KCNAB2: variants seen among roughly 807,000 people sequenced by gnomAD.
The protein encoded by KCNAB2 is potassium voltage-gated channel subfamily A regulatory beta subunit 2.
In KCNAB2, 29 loss-of-function variants were observed where a neutral mutation model predicts 63.6. The observed-to-expected ratio is 0.46, with a 90% CI of 0.34 to 0.62. The LOEUF is 0.62. Ranked by LOEUF, KCNAB2 falls within the 20% of genes least tolerant of loss-of-function variation. KCNAB2 has a pLI of 0.01. For missense variants in KCNAB2, 359 were observed against 563.9 expected (o/e 0.64, Z 3.68); for synonymous variants, 222 against 224.2 (o/e 0.99, Z 0.09).
intron 1 of KCNAB2, among the ~76,000 whole-genome samples, chr1:6,021,336 A>C (rs1658805597): frequency 6.6e-6 from 1 of 152,214 alleles, no homozygotes; most frequent in African/African-American, 2.4e-5. Context: ...TATTTGGCTT[A>C]AACACATACA....
chr1:6,085,004 G>C (rs1379907949), intron 5 of KCNAB2, among the ~76,000 whole-genome samples, 200 bp from the exon 6 acceptor site: 2 of 152,184 alleles, frequency 1.3e-5, no homozygotes, highest in Admixed American at 1.3e-4. Flanking sequence ...CTAGTGGGGG[G>C]CAATAACACA....
intron 1 of KCNAB2, among the ~76,000 whole-genome samples, chr1:6,023,130 C>G (rs201155578): frequency 1.3e-5 from 2 of 152,104 alleles, no homozygotes; most frequent in Non-Finnish European, 2.9e-5. Context: ...GATCTGCCTG[C>G]CTTGGCCTCC....
chr1:6,016,517 G>A (rs1025592044), intron 1 of KCNAB2, among the ~76,000 whole-genome samples: 13 of 152,240 alleles, frequency 8.5e-5, no homozygotes, highest in African/African-American at 2.9e-4. Flanking sequence ...AATTTGATGA[G>A]GCGTTTTCAC....
intron 1 of KCNAB2, among the ~76,000 whole-genome samples, chr1:6,002,196 CAG>C (rs1171627440): frequency 6.6e-6 from 1 of 152,242 alleles, no homozygotes; most frequent in African/African-American, 2.4e-5. Context: ...CCGTGGCAGG[CAG>C]AGAGAAGCCT....
intron 8 of KCNAB2, among the ~76,000 whole-genome samples, chr1:6,089,259 C>T (rs1292820954): frequency 6.6e-6 from 1 of 152,244 alleles, no homozygotes; most frequent in Non-Finnish European, 1.5e-5. Flanking sequence ...GGTGGCTGAG[C>T]ACAGACCACA....
chr1:6,045,752 C>A (rs1485405191), upstream of KCNAB2, among the ~76,000 whole-genome samples: 1 of 152,176 alleles, frequency 6.6e-6, no homozygotes, highest in African/African-American at 2.4e-5. The surrounding 1 kb of genome is among the most constrained non-coding windows in gnomAD (Gnocchi z 4.8). Flanking sequence ...AAGAGCAAGG[C>A]CTGCCCCTTT....
chr1:6,045,096 A>G (rs1570942861), upstream of KCNAB2, among the ~76,000 whole-genome samples: 1 of 151,978 alleles, frequency 6.6e-6, no homozygotes, highest in Non-Finnish European at 1.5e-5. This position sits in a 1 kb window ranked among gnomAD's most constrained non-coding sequence, Gnocchi z 4.8. Context: ...GCAGCCAGGC[A>G]CCTCCAGACT....
At chr1:5,999,494 C>T (rs1011833447) in intron 1 of KCNAB2, among the ~76,000 whole-genome samples, 4 of 152,170 alleles carry the variant, frequency 2.6e-5, no homozygotes, top group Non-Finnish European at 4.4e-5. Flanking sequence ...AAAGCTCCGG[C>T]GAGAAGGGCT....
chr1:6,085,484 G>A (rs574931437), intron 6 of KCNAB2, among the ~76,000 whole-genome samples: 46 of 152,240 alleles, frequency 3.0e-4, no homozygotes, highest in African/African-American at 8.9e-4. Context: ...TGCCCACTCC[G>A]CCTCTGTCCC....
rs530712846 is a variant in KCNAB2, at chr1:6,017,796, A to G, written c.-52-22721A>G. ...TCAGAGCAAGACTGTCTCAAAAAAA[A>G]AAAAAAACTTGGCCTCCCAAAGTGC... On this transcript the variant is annotated intron_variant, in intron 1 of 16. Transcript: ENST00000341524. Among the ~76,000 whole-genome samples the G allele has an allele frequency of 1.2e-4, 18 of 152,144 alleles. No individual in the cohort carries two copies. In the South Asian group the frequency reaches 2.9e-3, roughly 25 times the overall value.
rs1282868716 is a variant in KCNAB2, at chr1:6,098,798, G to A, written c.*224G>A. 3.7e-6 allele frequency: 2 copies of A among 538,884 alleles called. No homozygotes were observed. The highest frequency in any genetic ancestry group is 3.9e-5 in the African/African-American group (2 of 51,814). The allele number at this position is 538,884 out of a possible 1,614,324, so 33.4% of individuals were successfully genotyped here. A position where few individuals can be genotyped will look rare whatever the true frequency, so the allele number is the denominator to read the frequency against. The stretch of plus-strand genomic sequence containing the variant: ...CTGTGCCGGGGAAGGCACTGGTTAG[G>A]AAGGATGTTCAAACGGTCCCACCCA... On this transcript the variant is annotated 3_prime_UTR_variant, in exon 16 of 16. Coordinates refer to ENST00000378083, the MANE Select transcript of KCNAB2 (RefSeq NM_001199862.2).
At chr1:6,097,716 GGA>G (rs1665768012) in intron 15 of KCNAB2, 2 of 486,316 alleles carry the variant, frequency 4.1e-6, no homozygotes, top group Non-Finnish European at 7.3e-6. Flanking sequence ...TGAGAGATGC[GGA>G]GTAAGTCACG....
intron 1 of KCNAB2, among the ~76,000 whole-genome samples, chr1:6,050,024 T>C (rs1167565812): frequency 1.3e-5 from 2 of 152,228 alleles, no homozygotes; most frequent in African/African-American, 4.8e-5. Flanking sequence ...TGTGGGTCTT[T>C]CCTTTGGCCC....
intron 1 of KCNAB2, among the ~76,000 whole-genome samples, chr1:6,023,411 C>A (rs2100341458): frequency 6.7e-6 from 1 of 149,312 alleles, no homozygotes; most frequent in African/African-American, 2.4e-5. Flanking sequence ...TTTACATTCC[C>A]ACCAACAGTG....
intron 2 of KCNAB2, among the ~76,000 whole-genome samples, chr1:6,061,332 G>A (rs143955148): frequency 9.2e-5 from 14 of 152,284 alleles, no homozygotes; most frequent in African/African-American, 2.4e-4. Context: ...TGGGCCGGGC[G>A]GTGGCTCACG....
At position 5,993,949 on chromosome 1, in the gene KCNAB2, G is replaced by A. The variant is rs554291563; in HGVS notation, c.-53+1161G>A. 4.6e-5 allele frequency among the ~76,000 whole-genome samples: 7 copies of A among 152,296 alleles called. No individual in the cohort carries two copies. The East Asian group carries it at 1.2e-3, about 25-fold the overall frequency. ...GGAGGGGGCTGAGGAGCTGGGGACC[G>A]CCACTGGGGGTTGTCTTTTCCTCCC... is the stretch of plus-strand genomic sequence containing the variant. On this transcript the variant is annotated intron_variant, in intron 1 of 16. Coordinates refer to the KCNAB2 transcript ENST00000341524.
chr1:6,058,097 G>A (rs771142300), intron 2 of KCNAB2, among the ~76,000 whole-genome samples: 1 of 152,118 alleles, frequency 6.6e-6, no homozygotes, highest in East Asian at 1.9e-4. Flanking sequence ...GCAGTGAGCC[G>A]AGATCGAACC....
rs527522889 is a variant in KCNAB2 at position 6,071,865 on chromosome 1, G to A, written c.219-890G>A. Among the ~76,000 whole-genome samples, 20 of 150,714 alleles carry A rather than the reference G, an allele frequency of 1.3e-4. No individual in the cohort carries two copies. Among genetic ancestry groups the A allele is most frequent in the Non-Finnish European group, 2.7e-4 (18 of 67,460 alleles). ...TCCTGCCGCGAGGGCACCTCCTGCC[G>A]CGTGGGCTCCTCCTGCCGCGTAGGG... On this transcript the variant is annotated intron_variant, in intron 2 of 15. Coordinates refer to ENST00000378083, the MANE Select transcript of KCNAB2 (RefSeq NM_001199862.2). The surrounding 1 kb of genome is among the most constrained non-coding windows in gnomAD (Gnocchi z 8.5).
In KCNAB2 at chr1:6,051,548, G is replaced by T. The variant is rs1438047737; in HGVS notation, c.12G>T (p.Met4Ile). 26 of 1,529,452 alleles carry T rather than the reference G, an allele frequency of 1.7e-5. No individual in the cohort carries two copies. The highest frequency in any genetic ancestry group is 2.0e-5 in the Non-Finnish European group (23 of 1,142,160). 94.7% of individuals were successfully genotyped at this position (1,529,452 alleles called of 1,614,324 possible). A position where few individuals can be genotyped will look rare whatever the true frequency, so the allele number is the denominator to read the frequency against. The stretch of plus-strand genomic sequence containing the variant: ...AGCCAGGCGGCACCATGCTGTCCAT[G>T]ACGTACAGCGAGAGTCTGCGGAGCG... MLS[M>I]TYSESLRSVS... Residue 4 changes from methionine to isoleucine, a missense_variant, in exon 2 of 16, where the codon ATG (methionine) becomes ATT (isoleucine). This residue lies in a region of KCNAB2 where 88 missense variants were observed against 87.8 expected (regional missense o/e 1.00). Coordinates refer to ENST00000378083, the MANE Select transcript of KCNAB2 (RefSeq NM_001199862.2).
Sources: gnomAD v4.1 joint callset for allele counts (sites outside exome capture counted in the v4.1 genomes callset) on GRCh38, gnomAD v4.1.1 for gene constraint, gnomAD v4.1.1 regional missense constraint, Gnocchi (gnomAD v3.1) non-coding constraint, MANE v1.5 for transcripts, NCBI Gene and HGNC (gene_info 2026-07-23, HGNC 2026-07-21) for gene names.